CFHR5: variants seen among roughly 807,000 people sequenced by gnomAD.
The protein encoded by CFHR5 is complement factor H related 5, also known as complement factor H-related protein 5.
Under a neutral mutation model 62.9 loss-of-function variants are expected in CFHR5, and 73 were observed. The observed-to-expected ratio is 1.16, with a 90% CI of 0.96 to 1.41. CFHR5 has a LOEUF of 1.41. Among genes scored for constraint, CFHR5 ranks in the 40% most tolerant of loss-of-function variants. The probability of loss-of-function intolerance (pLI) is 0.00; values close to 1 mark genes in which losing one functional copy is unlikely to be tolerated. For synonymous variants in CFHR5, 249 were observed against 227.2 expected (o/e 1.10, Z -0.86); for missense variants, 779 against 679.9 (o/e 1.15, Z -1.62).
At chr1:196,993,264 ATTTATTAG>A (rs935986290) in intron 3 of CFHR5, among the ~76,000 whole-genome samples, 4 of 152,124 alleles carry the variant, frequency 2.6e-5, no homozygotes, top group African/African-American at 9.7e-5. Flanking sequence ...TCAACTTAAC[ATTTATTAG>A]TTGTATCCTG....
intron 8 of CFHR5, among the ~76,000 whole-genome samples, chr1:197,003,553 C>T (rs967722159): frequency 1.3e-5 from 2 of 152,146 alleles, no homozygotes; most frequent in Non-Finnish European, 2.9e-5. Context: ...CTTGACAAAA[C>T]ATCAGATATG....
At chr1:197,007,644 T>C (rs192470558) in intron 9 of CFHR5, among the ~76,000 whole-genome samples, 5 of 148,986 alleles carry the variant, frequency 3.4e-5, no homozygotes, top group Admixed American at 2.7e-4. Flanking sequence ...TTAACATATA[T>C]GTATACACAT....
chr1:197,000,741 A>G (rs893302502), intron 7 of CFHR5, among the ~76,000 whole-genome samples: 13 of 152,178 alleles, frequency 8.5e-5, no homozygotes, highest in African/African-American at 3.1e-4. Flanking sequence ...ATGATACTCA[A>G]TAAGTATTCA....
chr1:196,994,154 G>A lies in CFHR5; in HGVS notation c.505G>A (p.Asp169Asn). The change falls in exon 4 of 10, where the codon GAC becomes AAC. Residue 169 changes from aspartate to asparagine, a missense_variant. Asp to Asn is a conservative substitution (Grantham distance 23). Coordinates refer to ENST00000256785, the MANE Select transcript of CFHR5 (RefSeq NM_030787.4). The stretch of plus-strand genomic sequence containing the variant: ...AAAAAAAGAAAGCTACAAAGTTGGA[G>A]ACGTGTTGAAATTCTCCTGCAGAAA... ...QPKKESYKVG[D>N]VLKFSCRKNL... 6.2e-7 allele frequency: 1 copy of A among 1,613,536 alleles called. No individual in the cohort carries two copies. Among genetic ancestry groups the A allele is most frequent in the Non-Finnish European group, 8.5e-7 (1 of 1,179,676 alleles).
intron 3 of CFHR5, among the ~76,000 whole-genome samples, chr1:196,993,436 A>G (rs1194590599): frequency 6.6e-6 from 1 of 151,892 alleles, no homozygotes; most frequent in Non-Finnish European, 1.5e-5. Context: ...TTGGGACTAT[A>G]GGCGCCCACC....
At chr1:196,990,056 G>A (rs959120095) in intron 3 of CFHR5, among the ~76,000 whole-genome samples, 1 of 151,938 alleles carries the variant, frequency 6.6e-6, no homozygotes, top group Non-Finnish European at 1.5e-5. Context: ...GGGTTCTCCT[G>A]TTGGGTGCAT....
At position 196,996,187 on chromosome 1, in the gene CFHR5, T is replaced by C; in HGVS notation, c.956T>C (p.Leu319Pro). The C allele has an allele frequency of 6.2e-7, 1 of 1,609,916 alleles. No homozygotes were observed. The highest frequency in any genetic ancestry group is 8.5e-7 in the Non-Finnish European group (1 of 1,176,274). The part of the protein sequence containing the change: ...ITCINGIWTE[L>P]PMCVATHQLK... ...TGTATTAATGGAATATGGACAGAGC[T>C]TCCTATGTGTGTTGGTGAGAAAACA... is the stretch of plus-strand genomic sequence containing the variant. Residue 319 changes from leucine to proline, a missense_variant, in exon 6 of 10, where the codon CTT becomes CCT. Leu to Pro is a moderately conservative substitution (Grantham distance 98, BLOSUM62 -3). Transcript: ENST00000256785.
At chr1:196,995,626 C>A in intron 4 of CFHR5, 91 bp from the exon 5 acceptor site, 1 of 1,080,234 alleles carries the variant, frequency 9.3e-7, no homozygotes, top group Non-Finnish European at 1.4e-6. Flanking sequence ...AATATAAAGG[C>A]AATTAATTTC....
At chr1:196,982,419 C>A (rs1237078170) in intron 1 of CFHR5, among the ~76,000 whole-genome samples, 2 of 152,162 alleles carry the variant, frequency 1.3e-5, no homozygotes, top group African/African-American at 4.8e-5. Flanking sequence ...TGCCTGTAAT[C>A]CCGGCAGTTT....
chr1:197,006,589 G>A (rs1042945193), intron 9 of CFHR5, among the ~76,000 whole-genome samples: 36 of 151,620 alleles, frequency 2.4e-4, no homozygotes, highest in Admixed American at 1.1e-3. Context: ...GCACGTGCCT[G>A]TAATCTCAGC....
At chr1:196,999,128 A>G (rs1000062371) in intron 7 of CFHR5, among the ~76,000 whole-genome samples, 1 of 151,806 alleles carries the variant, frequency 6.6e-6, no homozygotes, top group Non-Finnish European at 1.5e-5. Context: ...AATGATATAA[A>G]ATACTAATTT....
Position 196,983,964 on chromosome 1 carries a change from T to A in CFHR5, c.257T>A (p.Met86Lys), listed in dbSNP as rs1490150341. 1 of 1,607,190 alleles carries A rather than the reference T, an allele frequency of 6.2e-7. No individual in the cohort carries two copies. Among genetic ancestry groups the A allele is most frequent in the South Asian group, 1.1e-5 (1 of 90,626 alleles). Residue 86 changes from methionine (M) to lysine (K), a missense_variant, in exon 3 of 10, where the codon ATG becomes AAG. Transcript: ENST00000256785. ...TTAATCAATTTTTGTTCCTTAGGAA[T>A]GTGTTCCTTTCCTTTTGTGAAAAAT... The part of the protein sequence containing the change: ...GWSPTPKCLR[M>K]CSFPFVKNGH...
In CFHR5 at chr1:196,994,031, T is replaced by A. The variant is rs780506763; in HGVS notation, c.431-49T>A. ...TATTTTTATATAGCACACATTAAAT[T>A]TGTTTCTGCAATGAAAATTCACATA... On this transcript the variant is annotated intron_variant, in intron 3 of 9. Transcript: ENST00000256785. 5.6e-6 allele frequency: 8 copies of A among 1,420,226 alleles called. No individual in the cohort carries two copies. In the African/African-American group the frequency reaches 9.9e-5, roughly 18 times the overall value. 88.0% of individuals were successfully genotyped at this position (1,420,226 alleles called of 1,614,324 possible).
At chr1:196,977,029 G>C (rs960377748), upstream of CFHR5, among the ~76,000 whole-genome samples, 7 of 151,536 alleles carry the variant, frequency 4.6e-5, no homozygotes, top group African/African-American at 1.7e-4. Flanking sequence ...GGATGGTCTC[G>C]ATCTCCTGAC....
rs762532931 is a variant in CFHR5 at position 196,995,825 on chromosome 1, C to T, written c.716C>T (p.Pro239Leu). The T allele has an allele frequency of 5.6e-6, 9 of 1,612,826 alleles. No homozygotes were observed. The highest frequency in any genetic ancestry group is 7.6e-6 in the Non-Finnish European group (9 of 1,179,174). ...GAAGTAGTGGAATATGATTGCAATC[C>T]TAATTTTATAATAAACGGGCCTAAG... is the stretch of plus-strand genomic sequence containing the variant. Reference protein sequence around the residue: ...HNEVVEYDCNPNFIINGPKKI... With the variant: ...HNEVVEYDCNLNFIINGPKKI... The change falls in exon 5 of 10, where the codon CCT (proline) becomes CTT (leucine). Residue 239 changes from proline (P) to leucine (L), a missense_variant. Coordinates refer to ENST00000256785, the MANE Select transcript of CFHR5 (RefSeq NM_030787.4).
In CFHR5 at chr1:197,008,685, G is replaced by A; in HGVS notation, c.*2G>A. On this transcript the variant is annotated 3_prime_UTR_variant, in exon 10 of 10. Transcript: ENST00000256785. ...TTTGAATATCCTATATGTGAATGAAGCAAGCATAATTTTCCTGAATATATT... is the reference window on the plus strand; with the variant it reads ...TTTGAATATCCTATATGTGAATGAAACAAGCATAATTTTCCTGAATATATT... 2.5e-6 allele frequency: 4 copies of A among 1,609,282 alleles called. No homozygotes were observed. Among genetic ancestry groups the A allele is most frequent in the Non-Finnish European group, 2.6e-6 (3 of 1,175,806 alleles).
rs1444168684 is a variant in CFHR5 at position 196,994,158 on chromosome 1, T to G, written c.509T>G (p.Val170Gly). ...PKKESYKVGD[V>G]LKFSCRKNLI... ...AAAGAAAGCTACAAAGTTGGAGACG[T>G]GTTGAAATTCTCCTGCAGAAAAAAT... The change falls in exon 4 of 10, where the codon GTG becomes GGG. Residue 170 changes from valine (V) to glycine (G), a missense_variant. Coordinates refer to ENST00000256785, the MANE Select transcript of CFHR5 (RefSeq NM_030787.4). 1.2e-6 allele frequency: 2 copies of G among 1,613,442 alleles called. No homozygotes were observed. The highest frequency in any genetic ancestry group is 1.7e-6 in the Non-Finnish European group (2 of 1,179,610).
At chr1:197,004,135 T>C (rs114884957) in intron 8 of CFHR5, among the ~76,000 whole-genome samples, 2,059 of 152,250 alleles carry the variant, frequency 0.014, 45 homozygotes, top group African/African-American at 0.045. Flanking sequence ...TGTTACTTTT[T>C]TTAGTTTTCC....
rs948419741 is a variant in CFHR5, at chr1:196,998,164, T to C, written c.1007T>C (p.Val336Ala). Residue 336 changes from valine (V) to alanine (A), a missense_variant, in exon 7 of 10, where the codon GTT becomes GCT. By Grantham distance (64) the Val-to-Ala change is moderately conservative. Transcript: ENST00000256785. ...HQLKRCKIAG[V>A]NIKTLLKLSG... is the part of the protein sequence containing the mutation. ...CTTAAGAGGTGCAAAATAGCAGGAG[T>C]TAATATAAAAACATTACTCAAGCTA... is the stretch of plus-strand genomic sequence containing the variant. 6.3e-6 allele frequency: 10 copies of C among 1,580,126 alleles called. No homozygotes were observed. The highest frequency in any genetic ancestry group is 1.4e-5 in the African/African-American group (1 of 73,516).
Sources: gnomAD v4.1 joint callset for allele counts (sites outside exome capture counted in the v4.1 genomes callset) on GRCh38, gnomAD v4.1.1 for gene constraint, MANE v1.5 for transcripts, NCBI Gene and HGNC (gene_info 2026-07-23, HGNC 2026-07-21) for gene names.